Variants in DNHD1 observed in about 807,000 individuals in gnomAD.
The protein encoded by DNHD1 is dynein heavy chain domain 1, also known as dynein heavy chain domain-containing protein 1.
In DNHD1, 383 loss-of-function variants were observed where a neutral mutation model predicts 458.1. The ratio of observed to expected loss-of-function variants is 0.84; its 90% CI spans 0.77 to 0.91. The LOEUF is 0.91. Ranked by LOEUF, DNHD1 falls within the 40% of genes least tolerant of loss-of-function variation. DNHD1 has a pLI of 0.00. For synonymous variants in DNHD1, 2,203 were observed against 2,376.9 expected (o/e 0.93, Z 2.13); for missense variants, 5,336 against 5,866.1 (o/e 0.91, Z 2.95).
At position 6,566,127 on chromosome 11, in the gene DNHD1, G is replaced by A. The variant is rs1258934345; in HGVS notation, c.11054-114G>A. ...CACTAACTATATTGAAGCGTCTTGT[G>A]GGAACCCTCCTATCAGCCACAGGGA... On this transcript the variant is annotated intron_variant, in intron 33 of 42. Transcript: ENST00000254579. 5.4e-6 allele frequency: 8 copies of A among 1,489,792 alleles called. 1 individual carries two copies. The highest frequency in any genetic ancestry group is 1.3e-5 in the South Asian group (1 of 75,038). 92.3% of individuals were successfully genotyped at this position (1,489,792 alleles called of 1,614,324 possible). A position where few individuals can be genotyped will look rare whatever the true frequency, so the allele number is the denominator to read the frequency against.
At chr11:6,550,237 A>T (rs1374088352) in intron 24 of DNHD1, among the ~76,000 whole-genome samples, 1 of 152,218 alleles carries the variant, frequency 6.6e-6, no homozygotes, top group African/African-American at 2.4e-5. Flanking sequence ...TGCCCAAGAT[A>T]CCCTAGCTAT....
rs1040441964 is a variant in DNHD1, at chr11:6,512,464, C to T, written c.1392+1035C>T. Among the ~76,000 whole-genome samples, 11 of 151,738 alleles carry T rather than the reference C, an allele frequency of 7.2e-5. No homozygotes were observed. The East Asian group carries it at 9.7e-4, about 13-fold the overall frequency. On this transcript the variant is annotated intron_variant, in intron 7 of 42. Coordinates refer to ENST00000254579, the MANE Select transcript of DNHD1 (RefSeq NM_144666.3). Reference sequence around the variant, plus strand: ...GTCTTGATCTCCTGACCTTGTGATCCGCCCACCTCGGCCTCCCAAAGTGCT... The same window carrying T: ...GTCTTGATCTCCTGACCTTGTGATCTGCCCACCTCGGCCTCCCAAAGTGCT...
intron 13 of DNHD1, 105 bp downstream of exon 13, chr11:6,533,289 T>A: frequency 1.6e-6 from 2 of 1,223,662 alleles, no homozygotes; most frequent in Non-Finnish European, 2.3e-6. Context: ...CAGAGCTTGA[T>A]GCTCTTAAAC....
chr11:6,558,235 A>C lies in DNHD1; in HGVS notation c.8940A>C (p.Glu2980Asp). The C allele has an allele frequency of 6.4e-7, 1 of 1,551,634 alleles. No individual in the cohort carries two copies. The highest frequency in any genetic ancestry group is 8.7e-7 in the Non-Finnish European group (1 of 1,146,978). ...AAGCAGATTTGGACCGCATTGGAGA[A>C]CACCTCCCCAGGGAGAACCTTGGTG... Reference protein sequence around the residue: ...YTEADLDRIGEHLPRENLGVK... With the variant: ...YTEADLDRIGDHLPRENLGVK... Residue 2980 changes from glutamate (E) to aspartate (D), a missense_variant, in exon 25 of 43, where the codon GAA (glutamate) becomes GAC (aspartate). By Grantham distance (45) the Glu-to-Asp change is conservative (BLOSUM62 2). Transcript: ENST00000254579.
chr11:6,513,806 T>G (rs1852395902), intron 7 of DNHD1, among the ~76,000 whole-genome samples: 1 of 152,214 alleles, frequency 6.6e-6, no homozygotes. Context: ...TTGTACCAGT[T>G]TACGTTTCCA....
rs1852564109 is a variant in DNHD1 at position 6,519,687 on chromosome 11, T to C, written c.1480T>C (p.Tyr494His). The C allele has an allele frequency of 6.2e-7, 1 of 1,614,162 alleles. No homozygotes were observed. The highest frequency in any genetic ancestry group is 1.3e-5 in the African/African-American group (1 of 75,050). Residue 494 changes from tyrosine (Y) to histidine (H), a missense_variant, in exon 8 of 43, where the codon TAC (tyrosine) becomes CAC (histidine). Around this residue, in one of 4 missense-constraint regions of DNHD1, gnomAD observed 3,932 missense variants for 4,365.6 expected, o/e 0.90. Transcript: ENST00000254579. ...GATCAGGACAGGCCAAGGCTCCATA[T>C]ACCTTCAGAGGGTACAGCACAAGCA... ...DRIRTGQGSIYLQRVQHKQLE... is the reference protein window; with the variant it reads ...DRIRTGQGSIHLQRVQHKQLE...
At position 6,548,336 on chromosome 11, in the gene DNHD1, C is replaced by T. The variant is rs1282592419; in HGVS notation, c.7032C>T (p.Pro2344=). 10 of 1,551,592 alleles carry T rather than the reference C, an allele frequency of 6.4e-6. No homozygotes were observed. The East Asian group carries it at 1.7e-4, about 27-fold the overall frequency. The change falls in exon 23 of 43, where the codon CCC becomes CCT. Residue 2344 remains proline, a synonymous_variant. Coordinates refer to ENST00000254579, the MANE Select transcript of DNHD1 (RefSeq NM_144666.3). The surrounding 1 kb of genome is among the most constrained non-coding windows in gnomAD (Gnocchi z 4.4). The stretch of plus-strand genomic sequence containing the variant: ...GCCCTGAAGATGGAACACTGGTCCC[C>T]TTCACTGGCCAATACCTGAGCAGCC... ...HVSPEDGTLV[P]FTGQYLSSHI... is the part of the protein sequence containing the mutation.
At chr11:6,510,079 C>T (rs1367392137) in intron 6 of DNHD1, among the ~76,000 whole-genome samples, 3 of 148,890 alleles carry the variant, frequency 2.0e-5, no homozygotes, top group African/African-American at 7.6e-5. Flanking sequence ...CAAATTTTAA[C>T]TCAAAAGAAT....
intron 10 of DNHD1, among the ~76,000 whole-genome samples, chr11:6,525,019 A>G (rs1217251414): frequency 1.3e-5 from 2 of 152,178 alleles, no homozygotes; most frequent in Non-Finnish European, 2.9e-5. Context: ...AGATTCTGTA[A>G]GAGAGTTATG....
intron 37 of DNHD1, 28 bp downstream of exon 37, chr11:6,568,270 A>C: frequency 6.5e-7 from 1 of 1,538,048 alleles, no homozygotes; most frequent in Non-Finnish European, 8.8e-7. Flanking sequence ...ATTGGCTTCC[A>C]GGATCCTATC....
chr11:6,571,995 A>T lies in DNHD1; in HGVS notation c.*9A>T. 2 of 1,588,812 alleles carry T rather than the reference A, an allele frequency of 1.3e-6. No homozygotes were observed. Among genetic ancestry groups the T allele is most frequent in the Non-Finnish European group, 1.7e-6 (2 of 1,163,550 alleles). ...GCCCACCCCTGTCTTGAGCCCGTCTACCAAAATAAAGTTGTAGTGATTCCA... is the reference window on the plus strand; with the variant it reads ...GCCCACCCCTGTCTTGAGCCCGTCTTCCAAAATAAAGTTGTAGTGATTCCA... On this transcript the variant is annotated 3_prime_UTR_variant, in exon 43 of 43. Transcript: ENST00000254579. The surrounding 1 kb of genome is among the most constrained non-coding windows in gnomAD (Gnocchi z 5.0).
Position 6,571,186 on chromosome 11 carries a change from TG to T in DNHD1, c.13677del (p.Gln4560AsnfsTer70). 2 of 1,604,730 alleles carry T rather than the reference TG, an allele frequency of 1.2e-6. No individual in the cohort carries two copies. ...WHWLRQLSRR[G>X]QLLVRYLGVG... ...ACTGGCTGCGACAGTTGTCGCGCCG[TG>T]GGCAACTGTTGGTTCGTTACTTGGG... On this transcript the variant is annotated frameshift_variant, in exon 42 of 43. Transcript: ENST00000254579. LOFTEE classifies it high-confidence loss of function. The surrounding 1 kb of genome is among the most constrained non-coding windows in gnomAD (Gnocchi z 5.0).
chr11:6,554,224 A>G (rs1853416715), intron 24 of DNHD1, among the ~76,000 whole-genome samples: 1 of 152,192 alleles, frequency 6.6e-6, no homozygotes, highest in South Asian at 2.1e-4. Flanking sequence ...AGATAATTCA[A>G]TGGGGGAAAG....
intron 7 of DNHD1, 122 bp from the exon 8 acceptor site, chr11:6,519,478 C>T (rs1156340555): frequency 3.6e-6 from 4 of 1,096,536 alleles, no homozygotes; most frequent in Non-Finnish European, 5.3e-6. Context: ...AAAAGGAGCC[C>T]TCCATATGTA....
At chr11:6,542,121 C>G (rs188140968) in intron 18 of DNHD1, among the ~76,000 whole-genome samples, 1 of 152,296 alleles carries the variant, frequency 6.6e-6, no homozygotes, top group Non-Finnish European at 1.5e-5. Flanking sequence ...TTATTAAGGA[C>G]TCTTAAGTTT....
At position 6,498,506 on chromosome 11, in the gene DNHD1, G is replaced by T; in HGVS notation, c.291G>T (p.Leu97Phe). 1 of 1,614,202 alleles carries T rather than the reference G, an allele frequency of 6.2e-7. No homozygotes were observed. Among genetic ancestry groups the T allele is most frequent in the Non-Finnish European group, 8.5e-7 (1 of 1,180,028 alleles). The change falls in exon 3 of 43, where the codon TTG (leucine) becomes TTT (phenylalanine). Residue 97 changes from leucine to phenylalanine, a missense_variant. This residue lies in a region of DNHD1 where 3,932 missense variants were observed against 4,365.6 expected (regional missense o/e 0.90). Transcript: ENST00000254579. ...GTCTACTGCCTCCATATCGTGAGTT[G>T]CTAGTTGGCCACCTTGATTTGCTGC... ...VLGLLPPYRE[L>F]LVGHLDLLPF...
chr11:6,498,583 A>T lies in DNHD1; in HGVS notation c.368A>T (p.His123Leu). The T allele has an allele frequency of 6.2e-7, 1 of 1,614,184 alleles. No individual in the cohort carries two copies. ...GCACCCTGGGTCCAAACCCACCTCC[A>T]TCTGGACCTGCTAGGTGCCATTGTC... The part of the protein sequence containing the change: ...CWAPWVQTHL[H>L]LDLLGAIVQA... The change falls in exon 3 of 43, where the codon CAT becomes CTT. Residue 123 changes from histidine (H) to leucine (L), a missense_variant. Around this residue, in one of 4 missense-constraint regions of DNHD1, gnomAD observed 3,932 missense variants for 4,365.6 expected, o/e 0.90. Transcript: ENST00000254579.
Position 6,548,033 on chromosome 11 carries a change from C to G in DNHD1, c.6898C>G (p.Pro2300Ala). The G allele has an allele frequency of 6.4e-7, 1 of 1,551,698 alleles. No individual in the cohort carries two copies. Among genetic ancestry groups the G allele is most frequent in the African/African-American group, 1.4e-5 (1 of 73,164 alleles). Residue 2300 changes from proline (P) to alanine (A), a missense_variant, in exon 22 of 43, where the codon CCC becomes GCC. Transcript: ENST00000254579. This position sits in a 1 kb window ranked among gnomAD's most constrained non-coding sequence, Gnocchi z 4.4. ...ALIWGFGAHL[P>A]SRFWPIFDTF... ...GATCTGGGGCTTTGGAGCCCACCTT[C>G]CCTCCAGGTACCTACCAGGATGGGG...
intron 10 of DNHD1, among the ~76,000 whole-genome samples, chr11:6,525,499 A>G (rs888326153): frequency 6.6e-6 from 1 of 152,220 alleles, no homozygotes; most frequent in African/African-American, 2.4e-5. Context: ...ATTTCATACT[A>G]TACTCTTTCC....
Sources: gnomAD v4.1 joint callset for allele counts (sites outside exome capture counted in the v4.1 genomes callset) on GRCh38, gnomAD v4.1.1 for gene constraint, gnomAD v4.1.1 regional missense constraint, Gnocchi (gnomAD v3.1) non-coding constraint, MANE v1.5 for transcripts, NCBI Gene and HGNC (gene_info 2026-07-23, HGNC 2026-07-21) for gene names.